Variants in CFAP54 observed in about 807,000 individuals in gnomAD.
CFAP54 encodes cilia- and flagella-associated protein 54.
In CFAP54, 290 loss-of-function variants were observed where a neutral mutation model predicts 370.4. The ratio of observed to expected loss-of-function variants is 0.78; its 90% confidence interval spans 0.71 to 0.86. CFAP54 has a LOEUF of 0.86. Ranked by LOEUF, CFAP54 falls within the 40% of genes least tolerant of loss-of-function variation. The pLI is 0.00. For synonymous variants in CFAP54, 1,206 were observed against 1,236.5 expected, an observed-to-expected ratio of 0.98 and a Z score of 0.52; for missense variants, 3,399 against 3,528.7, an observed-to-expected ratio of 0.96 and a Z score of 0.93.
chr12:96,819,935 C>T (rs1470669635), intron 65 of CFAP54, among the ~76,000 whole-genome samples: 1 of 152,156 alleles, frequency 6.6e-6, no homozygotes, highest in Non-Finnish European at 1.5e-5. Context: ...GTTGAGTTCC[C>T]AGCTACTTGG....
At chr12:96,770,091 A>G (rs1333985261) in intron 60 of CFAP54, among the ~76,000 whole-genome samples, 1 of 152,180 alleles carries the variant, frequency 6.6e-6, no homozygotes, top group Non-Finnish European at 1.5e-5. Context: ...TCCCCATAGT[A>G]GGGGAACTGG....
intron 27 of CFAP54, among the ~76,000 whole-genome samples, chr12:96,622,495 G>A (rs780944809): frequency 7.9e-5 from 12 of 152,068 alleles, no homozygotes; most frequent in Non-Finnish European, 1.0e-4. Flanking sequence ...GATTATAGGT[G>A]TATGACACCA....
chr12:96,761,675 G>T (rs1342763318), intron 58 of CFAP54, among the ~76,000 whole-genome samples: 5 of 152,110 alleles, frequency 3.3e-5, no homozygotes, highest in African/African-American at 1.2e-4. Context: ...TGTGAGGTAA[G>T]ATTCTAAATT....
intron 65 of CFAP54, among the ~76,000 whole-genome samples, chr12:96,826,631 T>C (rs1314894547): frequency 2.7e-5 from 3 of 109,288 alleles, no homozygotes; most frequent in East Asian, 2.7e-4. Context: ...ATATGTTATA[T>C]ATTAAATATA....
chr12:96,637,789 A>C (rs1392101815), intron 32 of CFAP54, among the ~76,000 whole-genome samples: 2 of 152,240 alleles, frequency 1.3e-5, no homozygotes, highest in African/African-American at 4.8e-5. Context: ...CACGTGTTGC[A>C]TAACATTTTG....
intron 45 of CFAP54, among the ~76,000 whole-genome samples, chr12:96,698,471 A>G (rs951999286): frequency 6.6e-6 from 1 of 152,196 alleles, no homozygotes; most frequent in Admixed American, 6.5e-5. Flanking sequence ...GTCTATATAC[A>G]CCATGGAATA....
intron 38 of CFAP54, among the ~76,000 whole-genome samples, chr12:96,661,531 T>C (rs530202831): frequency 1.3e-5 from 2 of 152,210 alleles, no homozygotes; most frequent in East Asian, 3.9e-4. Flanking sequence ...AGGTTGTTAC[T>C]CATAGGCAGT....
intron 65 of CFAP54, among the ~76,000 whole-genome samples, chr12:96,820,180 C>T (rs1169604731): frequency 6.6e-6 from 1 of 152,086 alleles, no homozygotes; most frequent in Admixed American, 6.6e-5. Context: ...ACCCATCTCT[C>T]CTGCTTTTAG....
intron 63 of CFAP54, among the ~76,000 whole-genome samples, chr12:96,803,400 T>C (rs1958843505): frequency 6.6e-6 from 1 of 151,976 alleles, no homozygotes; most frequent in Admixed American, 6.6e-5. Flanking sequence ...GCTACTAACT[T>C]CTAAGCAAGC....
chr12:96,775,687 T>G (rs1958510619), intron 60 of CFAP54, among the ~76,000 whole-genome samples: 1 of 152,176 alleles, frequency 6.6e-6, no homozygotes, highest in South Asian at 2.1e-4. Flanking sequence ...TTTTTGTTTT[T>G]GTTGACAAGA....
intron 63 of CFAP54, among the ~76,000 whole-genome samples, chr12:96,803,728 C>T (rs1958848458): frequency 6.6e-6 from 1 of 152,062 alleles, no homozygotes; most frequent in Non-Finnish European, 1.5e-5. Flanking sequence ...TATACACCCT[C>T]AGGAAAAAAT....
At chr12:96,739,085 A>G (rs113337467) in intron 50 of CFAP54, among the ~76,000 whole-genome samples, 11 of 152,066 alleles carry the variant, frequency 7.2e-5, no homozygotes, top group South Asian at 4.1e-4. Flanking sequence ...AACTCATAAC[A>G]CCTGTTAAAT....
Position 96,589,414 on chromosome 12 carries a change from C to G in CFAP54, c.3076-13C>G. On this transcript the variant is annotated splice_polypyrimidine_tract_variant and intron_variant, in intron 22 of 67. Transcript: ENST00000524981. The stretch of plus-strand genomic sequence containing the variant: ...AATAAAACTATTACATAAATATGTG[C>G]TTTTTGTTATAGGTTGCCTATCAAG... The G allele has an allele frequency of 6.6e-7, 1 of 1,512,724 alleles. No homozygotes were observed. The highest frequency in any genetic ancestry group is 1.7e-4 in the Middle Eastern group (1 of 5,914). 93.7% of individuals were successfully genotyped at this position (1,512,724 alleles called of 1,614,324 possible).
At chr12:96,572,571 A>G (rs1404457462) in intron 19 of CFAP54, among the ~76,000 whole-genome samples, 4 of 152,126 alleles carry the variant, frequency 2.6e-5, no homozygotes, top group East Asian at 3.9e-4. Flanking sequence ...AAAAGTTTGC[A>G]CTTTATCTGG....
At chr12:96,704,637 C>T (rs10860069) in intron 46 of CFAP54, 106 bp from the exon 47 acceptor site, 282,565 of 397,020 alleles carry the variant, frequency 0.71, 103,490 homozygotes, top group African/African-American at 0.93. Flanking sequence ...AATTACTTTT[C>T]CAATAAAAAT....
At chr12:96,611,617 G>A (rs1421128892) in intron 26 of CFAP54, among the ~76,000 whole-genome samples, 7 of 152,128 alleles carry the variant, frequency 4.6e-5, no homozygotes, top group South Asian at 2.1e-4. Flanking sequence ...AAAACCCATC[G>A]CAAAGAAGCT....
rs1955060074 is a variant in CFAP54, at chr12:96,503,915, T to C, written c.453T>C (p.Tyr151=). The C allele has an allele frequency of 4.6e-6, 7 of 1,517,872 alleles. No homozygotes were observed. The highest frequency in any genetic ancestry group is 6.1e-6 in the Non-Finnish European group (7 of 1,140,116). 94.0% of individuals were successfully genotyped at this position (1,517,872 alleles called of 1,614,324 possible). A position where few individuals can be genotyped will look rare whatever the true frequency, so the allele number is the denominator to read the frequency against. Residue 151 remains tyrosine, a synonymous_variant, in exon 3 of 68, where the codon TAT becomes TAC. Coordinates refer to ENST00000524981, the MANE Select transcript of CFAP54 (RefSeq NM_001306084.2). ...ACAAACTGGCCCTTTTACAATGCTA[T>C]GGAAGATATCTTCAGCAGTTCAATA... ...KEYKLALLQC[Y]GRYLQQFNTN...
chr12:96,675,758 A>G (rs1384779991), intron 39 of CFAP54, among the ~76,000 whole-genome samples: 6 of 152,220 alleles, frequency 3.9e-5, no homozygotes, highest in Non-Finnish European at 2.9e-5. Context: ...CTATGCAGCC[A>G]TAAAAAATGA....
At chr12:96,825,786 A>G in intron 65 of CFAP54, among the ~76,000 whole-genome samples, 1 of 129,224 alleles carries the variant, frequency 7.7e-6, no homozygotes, top group Admixed American at 8.5e-5. Flanking sequence ...ATATTATGTA[A>G]CATAGTATAT....
Sources: allele counts gnomAD v4.1 joint callset (sites outside exome capture counted in the v4.1 genomes callset), GRCh38; gene constraint gnomAD v4.1.1; transcripts MANE v1.5; gene names NCBI Gene and HGNC (gene_info 2026-07-23, HGNC 2026-07-21).